C13orf46: variants seen among roughly 807,000 people sequenced by gnomAD.
C13orf46 encodes the protein chromosome 13 open reading frame 46.
chr13:113,935,674 A>G, the C13orf46 span, among the ~76,000 whole-genome samples: 1 of 152,320 alleles, frequency 6.6e-6, no homozygotes, highest in South Asian at 2.1e-4. Flanking sequence ...CACGGCAACC[A>G]TTGTTTTGGG....
chr13:113,930,436 G>A, the C13orf46 span, among the ~76,000 whole-genome samples: 1 of 150,360 alleles, frequency 6.7e-6, no homozygotes, highest in African/African-American at 2.5e-5. Context: ...GGGCGCGGGA[G>A]CACTGAGGCT....
At chr13:113,961,370 G>A (rs1481674274) in intron 6 of C13orf46, among the ~76,000 whole-genome samples, 2 of 151,488 alleles carry the variant, frequency 1.3e-5, no homozygotes, top group African/African-American at 4.8e-5. Flanking sequence ...TTATCCGTGT[G>A]AATATTCTAA....
the C13orf46 span, among the ~76,000 whole-genome samples, chr13:113,943,836 T>C: frequency 1.3e-5 from 2 of 152,060 alleles, no homozygotes; most frequent in African/African-American, 4.8e-5. Context: ...AGACATTCCA[T>C]GGAAACACCT....
downstream of C13orf46, among the ~76,000 whole-genome samples, chr13:113,951,875 A>C (rs1457705271): frequency 3.9e-5 from 6 of 152,108 alleles, no homozygotes; most frequent in Non-Finnish European, 5.9e-5. Flanking sequence ...TGTGTTCAGC[A>C]CTCCGGACAG....
chr13:113,958,674 C>T (rs2052562547), intron 6 of C13orf46, among the ~76,000 whole-genome samples: 1 of 152,246 alleles, frequency 6.6e-6, no homozygotes. Context: ...CCTCAGTGCA[C>T]AGTCCTCACT....
At chr13:113,965,597 T>C (rs1265340075) in intron 5 of C13orf46, among the ~76,000 whole-genome samples, 2 of 152,164 alleles carry the variant, frequency 1.3e-5, no homozygotes, top group East Asian at 1.9e-4. Flanking sequence ...GTGGTGATGA[T>C]GACGGTGACT....
the C13orf46 span, among the ~76,000 whole-genome samples, chr13:113,944,147 A>G: frequency 1.3e-5 from 2 of 152,214 alleles, no homozygotes; most frequent in South Asian, 4.2e-4. Context: ...TTCTCCAGAC[A>G]CAAGCCCCTC....
At chr13:113,945,910 G>A in the C13orf46 span, among the ~76,000 whole-genome samples, 1 of 112,522 alleles carries the variant, frequency 8.9e-6, no homozygotes, top group African/African-American at 3.1e-5. Context: ...TGAGGTCAGT[G>A]CATGTTTAGA....
chr13:113,945,571 A>AGAGAG, the C13orf46 span, among the ~76,000 whole-genome samples: 27 of 72,352 alleles, frequency 3.7e-4, no homozygotes, highest in African/African-American at 1.3e-3. Context: ...GAAAGAAAGA[A>AGAGAG]AGAAAGAGAG....
At chr13:113,959,165 G>A (rs2052567567) in intron 6 of C13orf46, among the ~76,000 whole-genome samples, 1 of 152,192 alleles carries the variant, frequency 6.6e-6, no homozygotes, top group Admixed American at 6.5e-5. Context: ...CCAGCTACTT[G>A]GGAGGCTGAG....
chr13:113,948,842 CCT>C (rs1271331733), downstream of C13orf46, among the ~76,000 whole-genome samples: 31 of 152,340 alleles, frequency 2.0e-4, no homozygotes, highest in South Asian at 2.3e-3. Flanking sequence ...GTCTTTGTCC[CCT>C]GTTCCAGGGA....
chr13:113,955,623 AGTG>A lies in C13orf46; in HGVS notation c.*1147_*1149del, dbSNP rs1309958921. On this transcript the variant is annotated 3_prime_UTR_variant, in exon 7 of 7. Transcript: ENST00000636427. ...GGAGCATCTGGCAGAGACGAGGAGT[AGTG>A]TCTGGCGGAGACGAGGAGTAGTGTC... 1.2e-4 allele frequency: 15 copies of A among 122,832 alleles called. No individual in the cohort carries two copies. The East Asian group carries it at 1.7e-3, about 14-fold the overall frequency. The allele number at this position is 122,832 out of a possible 1,614,324, so 7.6% of individuals were successfully genotyped here. A position where few individuals can be genotyped will look rare whatever the true frequency, so the allele number is the denominator to read the frequency against.
At chr13:113,948,937 A>G (rs36189532), downstream of C13orf46, among the ~76,000 whole-genome samples, 3,695 of 152,184 alleles carry the variant, frequency 0.024, 64 homozygotes, top group Non-Finnish European at 0.036. Flanking sequence ...TGTTTACCCT[A>G]ATGAGGTGAC....
At chr13:113,928,360 C>T in the C13orf46 span, 6,713 of 152,616 alleles carry the variant, frequency 0.044, 170 homozygotes, top group South Asian at 0.056. Context: ...CTGTGGAGGC[C>T]GTGGCCGGGC....
In C13orf46 at chr13:113,955,016, C is replaced by T. The variant is rs2052511702; in HGVS notation, c.*1757G>A. 6.0e-6 allele frequency: 1 copy of T among 167,286 alleles called. No individual in the cohort carries two copies. The highest frequency in any genetic ancestry group is 9.9e-5 in the South Asian group (1 of 10,094). The allele number at this position is 167,286 out of a possible 1,614,324, so 10.4% of individuals were successfully genotyped here. A position where few individuals can be genotyped will look rare whatever the true frequency, so the allele number is the denominator to read the frequency against. ...ATCTGGCAGAGAGGAGGAGTAGGAT[C>T]TGGCGGAGAGGAGGAGTAGGATCTG... On this transcript the variant is annotated 3_prime_UTR_variant, in exon 7 of 7. Coordinates refer to ENST00000636427, the MANE Select transcript of C13orf46 (RefSeq NM_001365455.2).
chr13:113,951,291 C>T (rs2052487724), downstream of C13orf46, among the ~76,000 whole-genome samples: 1 of 152,196 alleles, frequency 6.6e-6, no homozygotes, highest in Admixed American at 6.5e-5. Context: ...GCACCGGGGC[C>T]CCCACGGGGT....
downstream of C13orf46, among the ~76,000 whole-genome samples, chr13:113,950,763 C>T (rs1282383611): frequency 3.9e-5 from 6 of 152,200 alleles, no homozygotes; most frequent in African/African-American, 9.6e-5. Flanking sequence ...TCAGCAGGAG[C>T]CGGCGCCCAG....
chr13:113,963,680 C>CGGCCCCTGTCCTCAGCCAT (rs2052611187), intron 6 of C13orf46, among the ~76,000 whole-genome samples: 2 of 149,936 alleles, frequency 1.3e-5, no homozygotes, highest in South Asian at 2.1e-4. Context: ...TCCTCAGCCA[C>CGGCCCCTGTCCTCAGCCAT]GGCCCCTGTC....
the C13orf46 span, among the ~76,000 whole-genome samples, chr13:113,946,590 C>T: frequency 0.67 from 101,594 of 152,110 alleles, 35,201 homozygotes; most frequent in Non-Finnish European, 0.77. Context: ...GTGGCAGCTG[C>T]TGGTCCAGGG....
Sources: allele counts gnomAD v4.1 joint callset (sites outside exome capture counted in the v4.1 genomes callset), GRCh38; gene constraint gnomAD v4.1.1; transcripts MANE v1.5; gene names NCBI Gene and HGNC (gene_info 2026-07-23, HGNC 2026-07-21).